The following ABLIM1 variants were observed in gnomAD, a reference collection of about 807,000 sequenced individuals.
ABLIM1 encodes actin-binding LIM protein 1.
A neutral mutation model predicts 107.0 loss-of-function variants in ABLIM1; 40 were observed. That is an observed-to-expected ratio of 0.37 (90% CI 0.29 to 0.49). ABLIM1 has a LOEUF of 0.49. ABLIM1 is among the 20% of genes least tolerant of loss of function. The probability of loss-of-function intolerance (pLI) is 0.97; values close to 1 mark genes in which losing one functional copy is unlikely to be tolerated. For synonymous variants in ABLIM1, 357 were observed against 357.3 expected (o/e 1.00, Z 0.01); for missense variants, 857 against 1,008.5 (o/e 0.85, Z 2.04).
rs1216720760 is a variant in ABLIM1 at position 114,468,204 on chromosome 10, A to G, written c.1288T>C (p.Leu430=). ...RQSLGESPRT[L]SPTPSAEGYQ... The stretch of plus-strand genomic sequence containing the variant: ...ACTTCTGCTGATGGAGTAGGAGACA[A>G]AGTCCTCGGAGACTAGAAAAATAAA... Residue 430 remains leucine, a synonymous_variant, in exon 11 of 23, where the codon TTG becomes CTG. Transcript: ENST00000533213. 1 of 1,612,868 alleles carries G rather than the reference A, an allele frequency of 6.2e-7. No homozygotes were observed. The highest frequency in any genetic ancestry group is 1.3e-5 in the African/African-American group (1 of 75,046).
rs114579678 is a variant in ABLIM1 at position 114,499,329 on chromosome 10, G to A, written c.895-7451C>T. On this transcript the variant is annotated intron_variant, in intron 6 of 22. Transcript: ENST00000533213. ...CTTCCATAGAGGAAGTTAAACTATC[G>A]AGGACTATGTGTGTAGTTTTGTTTC... Among the ~76,000 whole-genome samples, 822 of 152,322 alleles carry A rather than the reference G, an allele frequency of 5.4e-3. 7 individuals carry two copies. Among genetic ancestry groups the A allele is most frequent in the African/African-American group, 0.019 (781 of 41,574 alleles).
intron 8 of ABLIM1, among the ~76,000 whole-genome samples, chr10:114,474,825 T>C (rs1312377022): frequency 2.6e-5 from 4 of 152,220 alleles, no homozygotes; most frequent in East Asian, 1.9e-4. Context: ...GTGGAGATAA[T>C]TGAATCATGG....
At chr10:114,665,892 G>A (rs2080006315) in intron 1 of ABLIM1, among the ~76,000 whole-genome samples, 2 of 152,192 alleles carry the variant, frequency 1.3e-5, no homozygotes, top group African/African-American at 4.8e-5. Context: ...CTTCCCAAAA[G>A]GGAATCCCAG....
At position 114,629,081 on chromosome 10, in the gene ABLIM1, T is replaced by C. The variant is rs1199792804; in HGVS notation, c.245-27120A>G. Among the ~76,000 whole-genome samples, 2 of 152,116 alleles carry C rather than the reference T, an allele frequency of 1.3e-5. No individual in the cohort carries two copies. Among genetic ancestry groups the C allele is most frequent in the African/African-American group, 2.4e-5 (1 of 41,442 alleles). On this transcript the variant is annotated intron_variant, in intron 1 of 22. Transcript: ENST00000533213. This position sits in a 1 kb window ranked among gnomAD's most constrained non-coding sequence, Gnocchi z 4.0. The stretch of plus-strand genomic sequence containing the variant: ...ATAAGTGTCTGCAGCTGGAAGTGAA[T>C]GGGTGCCTGGTCAGGAGAACAAAAG...
At chr10:114,631,959 A>G (rs2078211627) in intron 1 of ABLIM1, 2 of 1,303,792 alleles carry the variant, frequency 1.5e-6, no homozygotes, top group African/African-American at 1.5e-5. Context: ...AGAAGGAACG[A>G]GGAATAAACT....
chr10:114,495,228 T>C (rs1590415110), intron 6 of ABLIM1, among the ~76,000 whole-genome samples: 2 of 152,190 alleles, frequency 1.3e-5, no homozygotes, highest in South Asian at 4.2e-4. Context: ...TGTGTTGCTG[T>C]GTAATAAAAT....
chr10:114,718,742 A>C (rs1257696911), intron 1 of ABLIM1, among the ~76,000 whole-genome samples: 2 of 152,218 alleles, frequency 1.3e-5, no homozygotes, highest in Non-Finnish European at 2.9e-5. Context: ...ATTTTTGCCC[A>C]AGACCTTCCA....
chr10:114,763,477 T>A (rs984665431), intron 1 of ABLIM1, among the ~76,000 whole-genome samples: 1 of 152,024 alleles, frequency 6.6e-6, no homozygotes. Flanking sequence ...AACCTCCACA[T>A]CCCAGGTTCA....
At chr10:114,736,255 A>G (rs577058549) in intron 1 of ABLIM1, among the ~76,000 whole-genome samples, 1 of 152,230 alleles carries the variant, frequency 6.6e-6, no homozygotes, top group Non-Finnish European at 1.5e-5. Flanking sequence ...TGTGAAATTT[A>G]ACACAGATAC....
intron 1 of ABLIM1, among the ~76,000 whole-genome samples, chr10:114,691,732 T>G (rs1390448002): frequency 6.6e-6 from 1 of 152,248 alleles, no homozygotes; most frequent in Non-Finnish European, 1.5e-5. Flanking sequence ...CTTACTTTAG[T>G]GTGGATTTTT....
intron 1 of ABLIM1, among the ~76,000 whole-genome samples, chr10:114,630,790 C>T (rs990215923): frequency 3.3e-5 from 5 of 151,938 alleles, no homozygotes; most frequent in Admixed American, 3.3e-4. Context: ...AATGTCCCCA[C>T]GGTAAGAAAA....
rs966152887 is a variant in ABLIM1, at chr10:114,436,166, G to A, written c.*94C>T. 7.1e-6 allele frequency: 7 copies of A among 980,842 alleles called. No individual in the cohort carries two copies. The highest frequency in any genetic ancestry group is 1.1e-5 in the Non-Finnish European group (7 of 644,896). 60.8% of individuals were successfully genotyped at this position (980,842 alleles called of 1,614,324 possible). ...TGGTGTTGCTGAGCGACGGTAGTTTGCAAATTCTCCAATCAAGTTTGGGCC... is the reference window on the plus strand; with the variant it reads ...TGGTGTTGCTGAGCGACGGTAGTTTACAAATTCTCCAATCAAGTTTGGGCC... On this transcript the variant is annotated 3_prime_UTR_variant, in exon 23 of 23. Coordinates refer to ENST00000533213, the MANE Select transcript of ABLIM1 (RefSeq NM_002313.7).
At chr10:114,574,949 G>T (rs903438352) in intron 3 of ABLIM1, among the ~76,000 whole-genome samples, 6 of 152,166 alleles carry the variant, frequency 3.9e-5, no homozygotes, top group Non-Finnish European at 7.3e-5. Flanking sequence ...ACACAAGTGG[G>T]AGTGGCTGTG....
At chr10:114,684,070 GT>G (rs1450416960) in intron 1 of ABLIM1, among the ~76,000 whole-genome samples, 7 of 152,058 alleles carry the variant, frequency 4.6e-5, no homozygotes, top group Non-Finnish European at 8.8e-5. Flanking sequence ...TTAACATCCT[GT>G]TATATTAAGA....
intron 6 of ABLIM1, among the ~76,000 whole-genome samples, chr10:114,531,517 G>C (rs981097382): frequency 6.6e-6 from 1 of 152,072 alleles, no homozygotes; most frequent in Non-Finnish European, 1.5e-5. Flanking sequence ...TTTTTGTTTT[G>C]TTTTGTTTTG....
chr10:114,549,730 C>A (rs1295133035), intron 4 of ABLIM1, among the ~76,000 whole-genome samples: 1 of 152,082 alleles, frequency 6.6e-6, no homozygotes, highest in African/African-American at 2.4e-5. Flanking sequence ...CAGTGAAGGG[C>A]CAGTTAAATA....
At chr10:114,575,826 GAT>G (rs982981420) in intron 2 of ABLIM1, among the ~76,000 whole-genome samples, 1 of 152,160 alleles carries the variant, frequency 6.6e-6, no homozygotes, top group Non-Finnish European at 1.5e-5. Flanking sequence ...CAGCTTTTGT[GAT>G]ATGTCTAAAA....
chr10:114,472,008 A>G (rs1021212468), intron 10 of ABLIM1, among the ~76,000 whole-genome samples: 5 of 151,548 alleles, frequency 3.3e-5, no homozygotes, highest in African/African-American at 1.2e-4. Context: ...CGGGGAGGGG[A>G]GGACCCCAAG....
intron 1 of ABLIM1, among the ~76,000 whole-genome samples, chr10:114,667,784 AG>A (rs1412744935): frequency 6.6e-6 from 1 of 152,116 alleles, no homozygotes; most frequent in African/African-American, 2.4e-5. Context: ...CTTTCACCCC[AG>A]CTTCTTTCAC....
Sources: gnomAD v4.1 joint callset for allele counts (sites outside exome capture counted in the v4.1 genomes callset) on GRCh38, gnomAD v4.1.1 for gene constraint, Gnocchi (gnomAD v3.1) non-coding constraint, MANE v1.5 for transcripts, NCBI Gene and HGNC (gene_info 2026-07-23, HGNC 2026-07-21) for gene names.